Variants in RYR3 observed in about 807,000 individuals in gnomAD.
RYR3 encodes the protein brain ryanodine receptor-calcium release channel.
RYR3 carries 207 observed loss-of-function variants against 584.3 expected under a neutral mutation model. The ratio of observed to expected loss-of-function variants is 0.35; its 90% CI spans 0.32 to 0.40. RYR3 has a LOEUF of 0.40. RYR3 is among the 10% of genes least tolerant of loss of function. The pLI, the probability that RYR3 is intolerant of heterozygous loss-of-function variation, is 1.00. For missense variants in RYR3, 5,616 were observed against 6,089.2 expected (o/e 0.92, Z 2.59); for synonymous variants, 2,416 against 2,248.5 (o/e 1.07, Z -2.11).
chr15:33,686,163 G>A (rs886883380), intron 38 of RYR3, among the ~76,000 whole-genome samples: 5 of 151,492 alleles, frequency 3.3e-5, no homozygotes, highest in Admixed American at 3.3e-4. Context: ...CTGGTTTTTT[G>A]AAAAGATAGA....
chr15:33,358,019 C>G (rs1974227247), intron 1 of RYR3, among the ~76,000 whole-genome samples: 1 of 152,186 alleles, frequency 6.6e-6, no homozygotes. Flanking sequence ...GTGCCTTTTA[C>G]CTGAGCAGCA....
intron 1 of RYR3, among the ~76,000 whole-genome samples, chr15:33,442,772 T>A (rs2046336570): frequency 6.6e-6 from 1 of 152,168 alleles, no homozygotes; most frequent in African/African-American, 2.4e-5. Flanking sequence ...TAAAACATAA[T>A]AATAAGCAAA....
chr15:33,865,661 G>T lies in RYR3; in HGVS notation c.*435G>T. 6.4e-6 allele frequency: 1 copy of T among 156,238 alleles called. No individual in the cohort carries two copies. The highest frequency in any genetic ancestry group is 1.4e-5 in the Non-Finnish European group (1 of 70,892). The allele number at this position is 156,238 out of a possible 1,614,324, so 9.7% of individuals were successfully genotyped here. A position where few individuals can be genotyped will look rare whatever the true frequency, so the allele number is the denominator to read the frequency against. On this transcript the variant is annotated 3_prime_UTR_variant, in exon 104 of 104. Coordinates refer to ENST00000634891, the MANE Select transcript of RYR3 (RefSeq NM_001036.6). ...GAACTCACTCCAAAAGATAATAACT[G>T]CAGTCTAATTTTTCCCATGGTACTT...
intron 97 of RYR3, 104 bp from the exon 98 acceptor site, chr15:33,854,662 A>AC (rs2153000852): frequency 7.0e-7 from 1 of 1,436,430 alleles, no homozygotes; most frequent in South Asian, 1.4e-5. Flanking sequence ...CAGCACCTAA[A>AC]CCCCCTCTAT....
At position 33,738,434 on chromosome 15, in the gene RYR3, G is replaced by A. The variant is rs1360756177; in HGVS notation, c.7516-16G>A. On this transcript the variant is annotated splice_polypyrimidine_tract_variant and intron_variant, in intron 49 of 103. Coordinates refer to ENST00000634891, the MANE Select transcript of RYR3 (RefSeq NM_001036.6). The stretch of plus-strand genomic sequence containing the variant: ...CTATGCCACCCCGCTGGTCTGTCCT[G>A]TTCTGCACCTCCCAGCTTCTGACGA... 1 of 1,608,104 alleles carries A rather than the reference G, an allele frequency of 6.2e-7. No homozygotes were observed. The highest frequency in any genetic ancestry group is 1.7e-5 in the Admixed American group (1 of 59,032).
At chr15:33,652,920 C>A in intron 32 of RYR3, 37 bp downstream of exon 32, 2 of 1,573,584 alleles carry the variant, frequency 1.3e-6, no homozygotes, top group Non-Finnish European at 1.7e-6. Context: ...AGGGCTATCC[C>A]AGGCCTGGTG....
In RYR3 at chr15:33,566,631, G is replaced by A. The variant is rs376243916; in HGVS notation, c.1147-47G>A. On this transcript the variant is annotated intron_variant, in intron 11 of 103. Transcript: ENST00000634891. The stretch of plus-strand genomic sequence containing the variant: ...TGCGGGAAATGTTGACTGCCCATAT[G>A]TGGAATAATTGTAACCTAGAGCTCC... The A allele has an allele frequency of 1.5e-5, 24 of 1,606,582 alleles. No homozygotes were observed. The African/African-American group carries it at 2.4e-4, about 16-fold the overall frequency.
At chr15:33,466,887 C>T (rs201884329) in intron 1 of RYR3, among the ~76,000 whole-genome samples, 1 of 152,314 alleles carries the variant, frequency 6.6e-6, no homozygotes, top group East Asian at 1.9e-4. Flanking sequence ...AGGAGAGGCT[C>T]CTACCCCTAA....
intron 19 of RYR3, among the ~76,000 whole-genome samples, chr15:33,616,911 C>T (rs2060479519): frequency 6.6e-6 from 1 of 152,172 alleles, no homozygotes; most frequent in South Asian, 2.1e-4. Flanking sequence ...AGTGCAGGAC[C>T]TGTACTGGGG....
chr15:33,442,723 A>G (rs1428423215), intron 1 of RYR3, among the ~76,000 whole-genome samples: 1 of 152,228 alleles, frequency 6.6e-6, no homozygotes, highest in Non-Finnish European at 1.5e-5. Context: ...GCAGTACTTC[A>G]TTTATCTGGA....
At position 33,621,086 on chromosome 15, in the gene RYR3, A is replaced by G. The variant is rs570181405; in HGVS notation, c.2358-2721A>G. Among the ~76,000 whole-genome samples the G allele has an allele frequency of 6.0e-4, 92 of 152,360 alleles. 1 individual carries two copies. In the South Asian group the frequency reaches 0.018, roughly 30 times the overall value. On this transcript the variant is annotated intron_variant, in intron 19 of 103. Coordinates refer to ENST00000634891, the MANE Select transcript of RYR3 (RefSeq NM_001036.6). ...AATATAAAAACTAAGCGTTGTTCTC[A>G]TTAAATGCTACCTGAAACTCTACTT...
intron 2 of RYR3, among the ~76,000 whole-genome samples, chr15:33,501,583 C>T (rs1170825947): frequency 6.6e-6 from 1 of 152,084 alleles, no homozygotes. Flanking sequence ...GAGGAAGAAA[C>T]AAGCAAACTA....
chr15:33,337,788 C>CATCA (rs2140781697), intron 1 of RYR3, among the ~76,000 whole-genome samples: 1 of 152,208 alleles, frequency 6.6e-6, no homozygotes, highest in African/African-American at 2.4e-5. Context: ...TCCACATGTG[C>CATCA]ATCAGGTATG....
chr15:33,773,566 C>T lies in RYR3; in HGVS notation c.9088C>T (p.Leu3030=), dbSNP rs1229470667. The change falls in exon 64 of 104, where the codon CTG becomes TTG. Residue 3030 remains leucine (L), a synonymous_variant. Coordinates refer to ENST00000634891, the MANE Select transcript of RYR3 (RefSeq NM_001036.6). ...GDVQISCYHI[L]CSLYSLGTGK... Reference sequence around the variant, plus strand: ...TGTGCAGATTTCATGCTACCACATACTGTGCAGCCTCTACTCCCTTGGGAC... The same window carrying T: ...TGTGCAGATTTCATGCTACCACATATTGTGCAGCCTCTACTCCCTTGGGAC... 1.9e-6 allele frequency: 3 copies of T among 1,609,616 alleles called. No homozygotes were observed. Among genetic ancestry groups the T allele is most frequent in the Admixed American group, 3.4e-5 (2 of 59,580 alleles).
intron 102 of RYR3, among the ~76,000 whole-genome samples, chr15:33,862,504 G>C (rs1008565578): frequency 6.6e-6 from 1 of 152,230 alleles, no homozygotes; most frequent in Non-Finnish European, 1.5e-5. Context: ...ACTGGGCTGA[G>C]CCCTCATCTT....
chr15:33,379,687 C>CTCTCTCTCTCTCTCTCTATA, intron 1 of RYR3, among the ~76,000 whole-genome samples: 7 of 125,520 alleles, frequency 5.6e-5, no homozygotes, highest in African/African-American at 2.5e-4. Context: ...CTCTCTCTCT[C>CTCTCTCTCTCTCTCTCTATA]TATATATATA....
chr15:33,818,662 C>T lies in RYR3; in HGVS notation c.10684C>T (p.Arg3562Cys), dbSNP rs779158082. The T allele has an allele frequency of 2.1e-5, 34 of 1,613,614 alleles. No homozygotes were observed. Among genetic ancestry groups the T allele is most frequent in the Admixed American group, 2.0e-4 (12 of 60,000 alleles). The change falls in exon 76 of 104, where the codon CGC (arginine) becomes TGC (cysteine). Residue 3562 changes from arginine (R) to cysteine (C), a missense_variant. Physicochemically the swap from Arg to Cys is radical, Grantham distance 180. This residue lies in a region of RYR3 where 954 missense variants were observed against 1,132.2 expected (regional missense o/e 0.84). Transcript: ENST00000634891. ...ACATCAGATCATTCTCTATTTTAGCCGCAACGCTCTCACGGAGAGGAGGTC... is the reference window on the plus strand; with the variant it reads ...ACATCAGATCATTCTCTATTTTAGCTGCAACGCTCTCACGGAGAGGAGGTC... ...PLHQIILYFS[R>C]NALTERSKLE... is the part of the protein sequence containing the mutation.
At chr15:33,419,482 GTCCT>G (rs1248766982) in intron 1 of RYR3, among the ~76,000 whole-genome samples, 5 of 152,108 alleles carry the variant, frequency 3.3e-5, no homozygotes, top group African/African-American at 1.2e-4. Flanking sequence ...TTTGGCTCCT[GTCCT>G]TCCTTCCTTC....
chr15:33,575,359 C>G (rs957984609), intron 12 of RYR3, among the ~76,000 whole-genome samples: 3 of 152,142 alleles, frequency 2.0e-5, no homozygotes, highest in African/African-American at 7.2e-5. Flanking sequence ...ACTCTAAAAT[C>G]AGTCACATAA....
Sources: gnomAD v4.1 joint callset for allele counts (sites outside exome capture counted in the v4.1 genomes callset) on GRCh38, gnomAD v4.1.1 for gene constraint, gnomAD v4.1.1 regional missense constraint, MANE v1.5 for transcripts, NCBI Gene and HGNC (gene_info 2026-07-23, HGNC 2026-07-21) for gene names.